CACNA1E: variants seen among roughly 807,000 people sequenced by gnomAD.
The protein encoded by CACNA1E is voltage-dependent R-type calcium channel subunit alpha-1E.
Under a neutral mutation model 259.2 loss-of-function variants are expected in CACNA1E, and 40 were observed. The observed-to-expected ratio is 0.15, with a 90% CI of 0.12 to 0.20. The LOEUF (loss-of-function observed/expected upper bound fraction) is 0.20, where lower values mean the gene tolerates loss of function less well. Ranked by LOEUF, CACNA1E falls within the 10% of genes least tolerant of loss-of-function variation. The pLI is 1.00. For synonymous variants in CACNA1E, 1,104 were observed against 1,138.5 expected, an observed-to-expected ratio of 0.97 and a Z score of 0.61; for missense variants, 1,874 against 3,040.1, an observed-to-expected ratio of 0.62 and a Z score of 9.02.
chr1:181,398,573 G>A lies in CACNA1E; in HGVS notation c.-14-14560G>A, dbSNP rs1194953810. ...AAGAAGGGCAAGAAGGGCCAGAAAA[G>A]CTGATTCAAAGCGCAGGAACTCTGG... On this transcript the variant is annotated intron_variant, in intron 1 of 11. Transcript: ENST00000524607. Among the ~76,000 whole-genome samples the A allele has an allele frequency of 2.0e-5, 3 of 152,238 alleles. No individual in the cohort carries two copies. In the East Asian group the frequency reaches 5.8e-4, roughly 29 times the overall value.
At chr1:181,710,910 T>C (rs768179542) in intron 7 of CACNA1E, 44 bp from the exon 8 acceptor site, 17 of 1,349,060 alleles carry the variant, frequency 1.3e-5, no homozygotes, top group Admixed American at 5.0e-5. Context: ...CCCTTAGTCA[T>C]GGCCCTGTCC....
intron 3 of CACNA1E, among the ~76,000 whole-genome samples, chr1:181,557,409 A>G (rs920455016): frequency 2.0e-5 from 3 of 152,094 alleles, no homozygotes; most frequent in Non-Finnish European, 4.4e-5. Context: ...TACTGTGATC[A>G]CCCTTTGCCA....
rs72040839 is a variant in CACNA1E at position 181,795,767 on chromosome 1, A to AATATATATATATATATATATATATAT, written c.6208+743_6208+744insATATATATATATATATATATATATAT. Among the ~76,000 whole-genome samples the AATATATATATATATATATATATATAT allele has an allele frequency of 1.7e-3, 196 of 113,196 alleles. 7 individuals are homozygous for AATATATATATATATATATATATATAT. The highest frequency in any genetic ancestry group is 7.0e-3 in the South Asian group (19 of 2,714). 74.3% of individuals were successfully genotyped at this position (113,196 alleles called of 152,430 possible). Reference sequence around the variant, plus strand: ...AATTTCTTTTAAGCTTTTTGCTTTAAATATATATATATATATATATTAGTC... The same window carrying AATATATATATATATATATATATATAT: ...AATTTCTTTTAAGCTTTTTGCTTTAAATATATATATATATATATATATATATATATATATATATATATATATTAGTC... On this transcript the variant is annotated intron_variant, in intron 46 of 47. Transcript: ENST00000367573.
In CACNA1E at chr1:181,771,289, C is replaced by G. The variant is rs879580533; in HGVS notation, c.4882-4C>G. 3.3e-6 allele frequency: 5 copies of G among 1,519,872 alleles called. No individual in the cohort carries two copies. The African/African-American group carries it at 5.5e-5, about 17-fold the overall frequency. The allele number at this position is 1,519,872 out of a possible 1,614,324, so 94.1% of individuals were successfully genotyped here. A position where few individuals can be genotyped will look rare whatever the true frequency, so the allele number is the denominator to read the frequency against. ...CACTGTTTTCTGTTGTTTCTCTCCT[C>G]AAGGTATTTGGAAACATAAAATTAG... On this transcript the variant is annotated splice_region_variant and splice_polypyrimidine_tract_variant and intron_variant, in intron 35 of 47. Transcript: ENST00000367573.
chr1:181,396,156 G>A (rs1656668462), intron 1 of CACNA1E, among the ~76,000 whole-genome samples: 1 of 152,210 alleles, frequency 6.6e-6, no homozygotes, highest in African/African-American at 2.4e-5. Context: ...TCATGACATA[G>A]CATCTGGCTT....
At chr1:181,704,205 A>G (rs777086209) in intron 7 of CACNA1E, among the ~76,000 whole-genome samples, 6 of 152,162 alleles carry the variant, frequency 3.9e-5, no homozygotes, top group Non-Finnish European at 5.9e-5. Flanking sequence ...GCTGAACTCT[A>G]TGACCTTCAG....
chr1:181,484,794 G>A (rs900915674), intron 1 of CACNA1E, among the ~76,000 whole-genome samples: 2 of 152,202 alleles, frequency 1.3e-5, no homozygotes, highest in Non-Finnish European at 2.9e-5. Context: ...CAGGATCCAG[G>A]TGGATCGGCT....
intron 25 of CACNA1E, chr1:181,745,497 C>A: frequency 3.0e-6 from 1 of 336,084 alleles, no homozygotes; most frequent in Non-Finnish European, 5.8e-6. Context: ...AAAATGCACC[C>A]TGTGAGCCTT....
At chr1:181,541,755 G>A (rs190526637) in intron 3 of CACNA1E, among the ~76,000 whole-genome samples, 330 of 152,262 alleles carry the variant, frequency 2.2e-3, no homozygotes, top group African/African-American at 7.4e-3. Context: ...TTGTTTCTTC[G>A]TATAATAGAG....
chr1:181,430,133 C>T (rs934808555), intron 2 of CACNA1E, among the ~76,000 whole-genome samples: 5 of 152,200 alleles, frequency 3.3e-5, no homozygotes, highest in Non-Finnish European at 7.3e-5. Context: ...GGTTCTGGAT[C>T]TCTGTGCACA....
chr1:181,700,513 T>G (rs1414762921), intron 7 of CACNA1E, among the ~76,000 whole-genome samples: 4 of 152,224 alleles, frequency 2.6e-5, no homozygotes, highest in South Asian at 4.1e-4. Context: ...CTACACAGTT[T>G]CTGCCCTTGC....
intron 3 of CACNA1E, among the ~76,000 whole-genome samples, chr1:181,540,880 G>A (rs1244144722): frequency 1.3e-5 from 2 of 152,168 alleles, no homozygotes; most frequent in Admixed American, 6.5e-5. Context: ...TACAGGTTAA[G>A]CATCCCTAAT....
chr1:181,524,600 G>A (rs10465488), intron 3 of CACNA1E, among the ~76,000 whole-genome samples: 4,217 of 152,306 alleles, frequency 0.028, 195 homozygotes, highest in African/African-American at 0.095. Context: ...ACTTGGTGAG[G>A]TAGAGACCCA....
In CACNA1E at chr1:181,802,142, C is replaced by T. The variant is rs1662322341; in HGVS notation, c.*3308C>T. 1.3e-5 allele frequency: 2 copies of T among 152,216 alleles called. No homozygotes were observed. Among genetic ancestry groups the T allele is most frequent in the Non-Finnish European group, 2.9e-5 (2 of 68,048 alleles). 9.4% of individuals were successfully genotyped at this position (152,216 alleles called of 1,614,324 possible). On this transcript the variant is annotated 3_prime_UTR_variant, in exon 48 of 48. Coordinates refer to ENST00000367573, the MANE Select transcript of CACNA1E (RefSeq NM_001205293.3). The stretch of plus-strand genomic sequence containing the variant: ...CAGGGTCAACATAGAATTTCCTGCC[C>T]CGTGAAGGGCTGGCACCAGCTAGCA...
chr1:181,784,784 TG>T lies in CACNA1E; in HGVS notation c.5578+19del. ...ATGCCCAAAGGTTTGGGTCTTCTCCTGGGTATCCTTGTCACTGTGGGCCCAG... is the reference window on the plus strand; with the variant it reads ...ATGCCCAAAGGTTTGGGTCTTCTCCTGGTATCCTTGTCACTGTGGGCCCAG... On this transcript the variant is annotated intron_variant, in intron 41 of 47. Transcript: ENST00000367573. The T allele has an allele frequency of 6.9e-7, 1 of 1,441,086 alleles. No homozygotes were observed. The highest frequency in any genetic ancestry group is 1.4e-5 in the African/African-American group (1 of 71,048). 89.3% of individuals were successfully genotyped at this position (1,441,086 alleles called of 1,614,324 possible). A position where few individuals can be genotyped will look rare whatever the true frequency, so the allele number is the denominator to read the frequency against.
chr1:181,564,917 A>C (rs1649672758), intron 3 of CACNA1E, among the ~76,000 whole-genome samples: 1 of 151,692 alleles, frequency 6.6e-6, no homozygotes, highest in Non-Finnish European at 1.5e-5. Flanking sequence ...AGGTCTCAAC[A>C]GTGGGCTTAA....
chr1:181,392,156 A>AGT (rs1656345483), intron 1 of CACNA1E, among the ~76,000 whole-genome samples: 1 of 152,190 alleles, frequency 6.6e-6, no homozygotes, highest in Non-Finnish European at 1.5e-5. Context: ...ATACAATCCC[A>AGT]GTGTCTTTTA....
chr1:181,578,029 T>A (rs972069830), intron 4 of CACNA1E, among the ~76,000 whole-genome samples, 160 bp downstream of exon 4: 3 of 152,200 alleles, frequency 2.0e-5, no homozygotes, highest in Admixed American at 2.0e-4. Context: ...GGTGTAACAT[T>A]TTACTTTACA....
At chr1:181,766,665 C>A in intron 35 of CACNA1E, 54 bp downstream of exon 35, 14 of 1,373,266 alleles carry the variant, frequency 1.0e-5, no homozygotes, top group Non-Finnish European at 1.3e-5. Context: ...CAGATAATCT[C>A]TGGCTTAGCA....
Sources: gnomAD v4.1 joint callset for allele counts (sites outside exome capture counted in the v4.1 genomes callset) on GRCh38, gnomAD v4.1.1 for gene constraint, MANE v1.5 for transcripts, NCBI Gene and HGNC (gene_info 2026-07-23, HGNC 2026-07-21) for gene names.